Variants in ANAPC7 observed in about 807,000 individuals in gnomAD.
The protein encoded by ANAPC7 is anaphase promoting complex subunit 7, also known as anaphase-promoting complex subunit 7.
In ANAPC7, 25 loss-of-function variants were observed where a neutral mutation model predicts 63.3. The observed-to-expected ratio is 0.39, with a 90% CI of 0.29 to 0.55. The LOEUF is 0.55. ANAPC7 is among the 20% of genes least tolerant of loss of function. The pLI, the probability that ANAPC7 is intolerant of heterozygous loss-of-function variation, is 0.57. For synonymous variants in ANAPC7, 241 were observed against 251.7 expected (o/e 0.96, Z 0.40); for missense variants, 516 against 691.7 (o/e 0.75, Z 2.85).
intron 9 of ANAPC7, among the ~76,000 whole-genome samples, 159 bp from the exon 10 acceptor site, chr12:110,376,375 C>T (rs1881264547): frequency 6.6e-6 from 1 of 151,880 alleles, no homozygotes; most frequent in African/African-American, 2.4e-5. Flanking sequence ...ATTTTCCATC[C>T]TGGCTAACAC....
At chr12:110,388,010 G>A (rs1322595584) in intron 4 of ANAPC7, 118 bp from the exon 5 acceptor site, 23 of 1,023,080 alleles carry the variant, frequency 2.2e-5, no homozygotes, top group South Asian at 8.2e-5. Context: ...TATTCTGAGC[G>A]ATGCATGAGA....
intron 6 of ANAPC7, 61 bp from the exon 7 acceptor site, chr12:110,383,021 AC>A: frequency 7.5e-7 from 1 of 1,326,994 alleles, no homozygotes; most frequent in Non-Finnish European, 1.1e-6. Context: ...GGTCCCACAT[AC>A]AGGAGTAGCA....
intron 1 of ANAPC7, among the ~76,000 whole-genome samples, chr12:110,398,625 A>C (rs961481256): frequency 3.9e-5 from 6 of 152,132 alleles, no homozygotes; most frequent in African/African-American, 1.4e-4. Context: ...TTCCCAAATA[A>C]GAGGAAGAAG....
In ANAPC7 at chr12:110,388,626, G is replaced by A; in HGVS notation, c.409-3C>T. The A allele has an allele frequency of 6.2e-7, 1 of 1,605,764 alleles. No homozygotes were observed. The highest frequency in any genetic ancestry group is 8.5e-7 in the Non-Finnish European group (1 of 1,174,104). On this transcript the variant is annotated splice_polypyrimidine_tract_variant and splice_region_variant and intron_variant, in intron 3 of 10. Coordinates refer to ENST00000455511, the MANE Select transcript of ANAPC7 (RefSeq NM_016238.3). ...AGGTTTGCCAGCATCATGTTTATCT[G>A]TACAAACACAAATAACAGATAGCAA...
Position 110,374,019 on chromosome 12 carries a change from A to C in ANAPC7, c.*125T>G. The C allele has an allele frequency of 6.2e-6, 7 of 1,133,306 alleles. No homozygotes were observed. Among genetic ancestry groups the C allele is most frequent in the South Asian group, 1.8e-5 (1 of 55,762 alleles). The allele number at this position is 1,133,306 out of a possible 1,614,324, so 70.2% of individuals were successfully genotyped here. ...GACTAGGAATTGGGAGCGAGGGGGC[A>C]GAGACCCCTGCTGCAATCACATGCT... On this transcript the variant is annotated 3_prime_UTR_variant, in exon 11 of 11. Coordinates refer to ENST00000455511, the MANE Select transcript of ANAPC7 (RefSeq NM_016238.3).
In ANAPC7 at chr12:110,396,381, T is replaced by G. The variant is rs1451826897; in HGVS notation, c.173A>C (p.Glu58Ala). ...ATACTTACTCACAGCATTCCGATAT[T>G]CCTTATCATGAAAGAGAGAATCTGC... is the stretch of plus-strand genomic sequence containing the variant. ...YHADSLFHDKEYRNAVSKYTM... is the reference protein window; with the variant it reads ...YHADSLFHDKAYRNAVSKYTM... Residue 58 changes from glutamate to alanine, a missense_variant, in exon 2 of 11, where the codon GAA (glutamate) becomes GCA (alanine). Glu to Ala is a moderately radical substitution (Grantham distance 107, BLOSUM62 -1). Coordinates refer to ENST00000455511, the MANE Select transcript of ANAPC7 (RefSeq NM_016238.3). 1 of 1,614,070 alleles carries G rather than the reference T, an allele frequency of 6.2e-7. No homozygotes were observed.
chr12:110,381,956 A>C lies in ANAPC7; in HGVS notation c.936-8T>G. ...CTATAGAAGCTGTGACAGCTGGAGA[A>C]AAAAAAAAAAAAAAAAACACAAAAA... is the stretch of plus-strand genomic sequence containing the variant. On this transcript the variant is annotated splice_polypyrimidine_tract_variant and splice_region_variant and intron_variant, in intron 7 of 10. Transcript: ENST00000455511. 9.4e-6 allele frequency: 10 copies of C among 1,062,382 alleles called. No individual in the cohort carries two copies. The highest frequency in any genetic ancestry group is 4.4e-5 in the East Asian group (1 of 22,722). The allele number at this position is 1,062,382 out of a possible 1,614,324, so 65.8% of individuals were successfully genotyped here.
At chr12:110,380,789 C>T (rs981373674) in intron 8 of ANAPC7, among the ~76,000 whole-genome samples, 4 of 150,888 alleles carry the variant, frequency 2.7e-5, no homozygotes, top group Non-Finnish European at 5.9e-5. Context: ...ACTGTCTCTA[C>T]TAAAAATACA....
At chr12:110,400,157 CTG>C (rs757306388) in intron 1 of ANAPC7, among the ~76,000 whole-genome samples, 1 of 152,154 alleles carries the variant, frequency 6.6e-6, no homozygotes, top group East Asian at 1.9e-4. Flanking sequence ...TCTTCAAACT[CTG>C]TGATTCTATG....
In ANAPC7 at chr12:110,377,693, C is replaced by T; in HGVS notation, c.1133-76G>A. ...CCATGCTTCCACTCTGACAGCTCTC[C>T]AAATTGCTAACCTTCAAAGTTTCAG... is the stretch of plus-strand genomic sequence containing the variant. On this transcript the variant is annotated intron_variant, in intron 8 of 10. Transcript: ENST00000455511. 3 of 1,593,470 alleles carry T rather than the reference C, an allele frequency of 1.9e-6. No homozygotes were observed. In the South Asian group the frequency reaches 3.4e-5, roughly 18 times the overall value.
intron 3 of ANAPC7, among the ~76,000 whole-genome samples, chr12:110,392,872 C>T (rs1375824082): frequency 2.0e-5 from 3 of 152,010 alleles, no homozygotes; most frequent in South Asian, 4.2e-4. Context: ...GTCGGCTCAC[C>T]GCAACCTCTG....
At position 110,403,509 on chromosome 12, in the gene ANAPC7, C is replaced by T. The variant is rs369544514; in HGVS notation, c.101+18G>A. 6.4e-7 allele frequency: 1 copy of T among 1,572,942 alleles called. No homozygotes were observed. The highest frequency in any genetic ancestry group is 8.6e-7 in the Non-Finnish European group (1 of 1,159,446). On this transcript the variant is annotated intron_variant, in intron 1 of 10. Transcript: ENST00000455511. ...CCGCTTTCTCCTCAGCCCCAGGCAG[C>T]TACCCGCCTCAACTCACGGGTTGTT...
chr12:110,386,587 C>T (rs536287867), intron 5 of ANAPC7, 118 bp from the exon 6 acceptor site: 25 of 1,012,860 alleles, frequency 2.5e-5, no homozygotes, highest in Middle Eastern at 3.2e-4. Context: ...TAAAATTCTT[C>T]GTAATAAAAA....
At chr12:110,396,791 A>C (rs2062146115) in intron 1 of ANAPC7, among the ~76,000 whole-genome samples, 1 of 151,806 alleles carries the variant, frequency 6.6e-6, no homozygotes, top group Non-Finnish European at 1.5e-5. Context: ...CTGGGATTAC[A>C]GGCGTGAGCC....
Position 110,388,510 on chromosome 12 carries a change from A to G in ANAPC7, c.520+2T>C. On this transcript the variant is annotated splice_donor_variant, in intron 4 of 10. Transcript: ENST00000455511. LOFTEE classifies it high-confidence loss of function. ...ATGAAAACAGGCAGGAAATATCTCT[A>G]CCTAGAATGGCATCAAGGGCTAATG... 6.2e-7 allele frequency: 1 copy of G among 1,606,354 alleles called. No homozygotes were observed. Among genetic ancestry groups the G allele is most frequent in the South Asian group, 1.1e-5 (1 of 90,858 alleles).
At chr12:110,382,702 T>G in intron 7 of ANAPC7, 141 bp downstream of exon 7, 60 of 630,454 alleles carry the variant, frequency 9.5e-5, no homozygotes, top group Non-Finnish European at 1.4e-4. Context: ...CCCAAAGTGT[T>G]GAGATTACAG....
rs956116452 is a variant in ANAPC7, at chr12:110,388,456, G to A, written c.520+56C>T. On this transcript the variant is annotated intron_variant, in intron 4 of 10. Coordinates refer to ENST00000455511, the MANE Select transcript of ANAPC7 (RefSeq NM_016238.3). Reference sequence around the variant, plus strand: ...TATTCTAATGTACAGGCAAGATTGAGAACTACTATCTTTGACAGTAAACAT... The same window carrying A: ...TATTCTAATGTACAGGCAAGATTGAAAACTACTATCTTTGACAGTAAACAT... 42 of 1,355,540 alleles carry A rather than the reference G, an allele frequency of 3.1e-5. No homozygotes were observed. The East Asian group carries it at 9.4e-4, about 30-fold the overall frequency. 84.0% of individuals were successfully genotyped at this position (1,355,540 alleles called of 1,614,324 possible).
Position 110,382,454 on chromosome 12 carries a change from AAAAAAAAATATATATATATATAT to A in ANAPC7, c.935+366_935+388del, listed in dbSNP as rs1334701556. ...TGATTATCCTTTTAAAAAAAAAAAA[AAAAAAAAATATATATATATATAT>A]ATATATATATATATATATTTATAGA... is the stretch of plus-strand genomic sequence containing the variant. On this transcript the variant is annotated intron_variant, in intron 7 of 10. Transcript: ENST00000455511. Among the ~76,000 whole-genome samples the A allele has an allele frequency of 7.5e-5, 7 of 93,644 alleles. 1 individual carries two copies. The highest frequency in any genetic ancestry group is 2.5e-4 in the Admixed American group (2 of 8,014). The allele number at this position is 93,644 out of a possible 152,430, so 61.4% of individuals were successfully genotyped here. A position where few individuals can be genotyped will look rare whatever the true frequency, so the allele number is the denominator to read the frequency against.
At chr12:110,375,653 G>A (rs1391679166) in intron 10 of ANAPC7, 8 of 872,494 alleles carry the variant, frequency 9.2e-6, no homozygotes, top group Non-Finnish European at 1.1e-5. Context: ...GGTGAAGGTA[G>A]TATTCAAAAC....
Sources: allele counts gnomAD v4.1 joint callset (sites outside exome capture counted in the v4.1 genomes callset), GRCh38; gene constraint gnomAD v4.1.1; transcripts MANE v1.5; gene names NCBI Gene and HGNC (gene_info 2026-07-23, HGNC 2026-07-21).